The following ZNF138 variants were observed in gnomAD, a reference collection of about 807,000 sequenced individuals.
ZNF138 encodes zinc finger protein 138 (clone pHZ-32).
In ZNF138, 33 loss-of-function variants were observed where a neutral mutation model predicts 33.0. The ratio of observed to expected loss-of-function variants is 1.00; its 90% CI spans 0.76 to 1.34. The LOEUF (loss-of-function observed/expected upper bound fraction) is 1.34. ZNF138 is among the 40% of genes most tolerant of loss of function. The probability of loss-of-function intolerance (pLI) is 0.00; values close to 1 mark genes in which losing one functional copy is unlikely to be tolerated. For missense variants in ZNF138, 360 were observed against 370.8 expected (o/e 0.97, Z 0.24); for synonymous variants, 139 against 120.4 (o/e 1.15, Z -1.01).
At chr7:64,807,321 G>A (rs1018517372) in intron 1 of ZNF138, among the ~76,000 whole-genome samples, 3 of 152,248 alleles carry the variant, frequency 2.0e-5, no homozygotes, top group Admixed American at 2.0e-4. Context: ...GCTGGTCTGG[G>A]CACTCTGTCC....
Position 64,832,097 on chromosome 7 carries a change from C to T in ZNF138, c.855C>T (p.Gly285=). The T allele has an allele frequency of 6.2e-7, 1 of 1,613,596 alleles. No homozygotes were observed. Reference sequence around the variant, plus strand: ...AACCCTACAAATGTGAACAATGTGGCAAGGTCTTTAAGCAGTCCCCAACCC... The same window carrying T: ...AACCCTACAAATGTGAACAATGTGGTAAGGTCTTTAAGCAGTCCCCAACCC... ...EEKPYKCEQC[G]KVFKQSPTLT... is the part of the protein sequence containing the mutation. Residue 285 remains glycine (G), a synonymous_variant, in exon 4 of 4, where the codon GGC becomes GGT. Transcript: ENST00000307355.
intron 1 of ZNF138, among the ~76,000 whole-genome samples, chr7:64,804,034 C>T (rs559625124): frequency 3.3e-5 from 5 of 152,302 alleles, no homozygotes; most frequent in African/African-American, 9.6e-5. Context: ...ACTATATTAA[C>T]AAAGTCATAT....
intron 1 of ZNF138, among the ~76,000 whole-genome samples, chr7:64,802,134 C>T (rs1787183171): frequency 6.6e-6 from 1 of 152,150 alleles, no homozygotes; most frequent in Admixed American, 6.5e-5. Flanking sequence ...GTCCGAAAGG[C>T]AGAACAACTC....
downstream of ZNF138, among the ~76,000 whole-genome samples, chr7:64,837,534 G>A (rs1025401349): frequency 6.6e-6 from 1 of 152,196 alleles, no homozygotes; most frequent in Non-Finnish European, 1.5e-5. Context: ...GCTAAGGCCT[G>A]TGGGGCTTTG....
chr7:64,824,948 TCTC>T (rs1206272444), intron 3 of ZNF138, among the ~76,000 whole-genome samples: 2 of 151,896 alleles, frequency 1.3e-5, no homozygotes, highest in African/African-American at 2.4e-5. Flanking sequence ...TTCAAGCAGT[TCTC>T]CTGCCTCAGT....
At chr7:64,839,235 A>T in the ZNF138 span, among the ~76,000 whole-genome samples, 1 of 152,230 alleles carries the variant, frequency 6.6e-6, no homozygotes, top group Non-Finnish European at 1.5e-5. Context: ...AACTGTGCAG[A>T]AGAAAATTAG....
intron 1 of ZNF138, among the ~76,000 whole-genome samples, chr7:64,796,683 A>G (rs1786712520): frequency 6.6e-6 from 1 of 152,166 alleles, no homozygotes; most frequent in Admixed American, 6.5e-5. Context: ...TCCAAGGCTT[A>G]GCTTTTAGAA....
At chr7:64,816,367 CA>C (rs1216489813) in intron 3 of ZNF138, among the ~76,000 whole-genome samples, 7 of 151,874 alleles carry the variant, frequency 4.6e-5, no homozygotes, top group South Asian at 2.1e-4. Flanking sequence ...TGTATCATCT[CA>C]TTTTTTTATT....
At chr7:64,796,420 A>G (rs2128981536) in intron 1 of ZNF138, among the ~76,000 whole-genome samples, 1 of 151,530 alleles carries the variant, frequency 6.6e-6, no homozygotes, top group East Asian at 1.9e-4. Context: ...CAGCACTGCC[A>G]CTCCCTGGGA....
intron 1 of ZNF138, among the ~76,000 whole-genome samples, chr7:64,813,003 T>A (rs1788305484): frequency 6.6e-6 from 1 of 152,144 alleles, no homozygotes; most frequent in Non-Finnish European, 1.5e-5. Context: ...CTTTTAAAAA[T>A]TCTTATGATA....
the ZNF138 span, chr7:64,853,251 T>C: frequency 6.2e-7 from 1 of 1,609,452 alleles, no homozygotes; most frequent in Non-Finnish European, 8.5e-7. Context: ...CAGGACATCT[T>C]GGGGCACTTT....
the ZNF138 span, among the ~76,000 whole-genome samples, chr7:64,838,953 G>A: frequency 2.0e-5 from 3 of 152,128 alleles, no homozygotes; most frequent in African/African-American, 7.2e-5. Context: ...TGGCGGCGGA[G>A]AGACTAAGAT....
rs964581282 is a variant in ZNF138, at chr7:64,832,630, T to C, written c.*428T>C. On this transcript the variant is annotated 3_prime_UTR_variant, in exon 4 of 4. Transcript: ENST00000307355. ...GCTTTTAACCAGTCCTCACACCTTATGAGACATAAGAAAATTCATAGTAAA... is the reference window on the plus strand; with the variant it reads ...GCTTTTAACCAGTCCTCACACCTTACGAGACATAAGAAAATTCATAGTAAA... 8.5e-6 allele frequency: 4 copies of C among 473,356 alleles called. No homozygotes were observed. The highest frequency in any genetic ancestry group is 1.6e-5 in the Non-Finnish European group (4 of 242,898). The allele number at this position is 473,356 out of a possible 1,614,324, so 29.3% of individuals were successfully genotyped here. A position where few individuals can be genotyped will look rare whatever the true frequency, so the allele number is the denominator to read the frequency against.
chr7:64,815,794 C>T lies in ZNF138; in HGVS notation c.208+141C>T, dbSNP rs996494754. 1.3e-5 allele frequency: 9 copies of T among 684,600 alleles called. No individual in the cohort carries two copies. The African/African-American group carries it at 1.5e-4, about 12-fold the overall frequency. 42.4% of individuals were successfully genotyped at this position (684,600 alleles called of 1,614,324 possible). ...GCCTGAGTTTTTTATTTTGCTCTTA[C>T]ATAAGACATCTTCTGTCTTATGTTT... On this transcript the variant is annotated intron_variant, in intron 3 of 3. Coordinates refer to ENST00000307355, the MANE Select transcript of ZNF138 (RefSeq NM_001271639.2).
the ZNF138 span, among the ~76,000 whole-genome samples, chr7:64,848,277 C>T: frequency 6.6e-6 from 1 of 152,056 alleles, no homozygotes; most frequent in South Asian, 2.1e-4. Context: ...GTCAGAAACA[C>T]CAATTATTCT....
At chr7:64,847,929 G>A in the ZNF138 span, among the ~76,000 whole-genome samples, 3 of 151,530 alleles carry the variant, frequency 2.0e-5, no homozygotes, top group East Asian at 1.9e-4. Context: ...TTTTTAAATT[G>A]TATTTTTGTT....
intron 3 of ZNF138, among the ~76,000 whole-genome samples, chr7:64,818,909 A>G (rs1788891683): frequency 6.6e-6 from 1 of 152,194 alleles, no homozygotes; most frequent in Non-Finnish European, 1.5e-5. Flanking sequence ...AGTTATCTGG[A>G]CAAATTCTTT....
At chr7:64,824,988 T>G (rs1388237549) in intron 3 of ZNF138, among the ~76,000 whole-genome samples, 1 of 151,500 alleles carries the variant, frequency 6.6e-6, no homozygotes, top group African/African-American at 2.4e-5. Context: ...ATTATAGGCA[T>G]GCACCACCTC....
At chr7:64,844,016 G>C in the ZNF138 span, among the ~76,000 whole-genome samples, 2 of 152,140 alleles carry the variant, frequency 1.3e-5, no homozygotes, top group South Asian at 4.1e-4. Flanking sequence ...TAGACACAGG[G>C]TTTCACCATG....
Sources: gnomAD v4.1 joint callset for allele counts (sites outside exome capture counted in the v4.1 genomes callset) on GRCh38, gnomAD v4.1.1 for gene constraint, MANE v1.5 for transcripts, NCBI Gene and HGNC (gene_info 2026-07-23, HGNC 2026-07-21) for gene names.